Variants in GLI3 observed in about 807,000 individuals in gnomAD.
GLI3 encodes GLI family zinc finger 3, also known as transcription activator GLI3.
In GLI3, 20 loss-of-function variants were observed where a neutral mutation model predicts 100.8. The observed-to-expected ratio is 0.20, with a 90% CI of 0.14 to 0.29. GLI3 has a LOEUF of 0.29. Among genes scored for constraint, GLI3 ranks in the 10% least tolerant of loss-of-function variants. The pLI is 1.00. For synonymous variants in GLI3, 938 were observed against 860.5 expected, an observed-to-expected ratio of 1.09 and a Z score of -1.58; for missense variants, 2,040 against 2,128.5, an observed-to-expected ratio of 0.96 and a Z score of 0.82.
chr7:42,177,769 AAC>A (rs1197117627), intron 2 of GLI3, among the ~76,000 whole-genome samples: 15 of 152,244 alleles, frequency 9.9e-5, no homozygotes, highest in African/African-American at 3.4e-4. Flanking sequence ...TGATGCAAAC[AAC>A]AGTGTGCTCC....
intron 2 of GLI3, among the ~76,000 whole-genome samples, chr7:42,207,186 G>A (rs879287878): frequency 2.0e-5 from 3 of 152,330 alleles, no homozygotes; most frequent in Admixed American, 1.3e-4. Context: ...ATAGAAATGT[G>A]TATTCAGATC....
chr7:42,055,054 C>CATATATGTATATATACATATAT (rs1784425969), intron 4 of GLI3, among the ~76,000 whole-genome samples: 2 of 131,960 alleles, frequency 1.5e-5, no homozygotes, highest in Non-Finnish European at 3.3e-5. Context: ...TATATATACA[C>CATATATGTATATATACATATAT]ACACATATAT....
At chr7:42,214,016 G>T (rs1788322823) in intron 2 of GLI3, among the ~76,000 whole-genome samples, 1 of 152,204 alleles carries the variant, frequency 6.6e-6, no homozygotes, top group African/African-American at 2.4e-5. Flanking sequence ...AGAACTAAAA[G>T]TTTATTATGG....
chr7:42,146,806 G>C (rs1019351946), intron 3 of GLI3, among the ~76,000 whole-genome samples: 4 of 152,120 alleles, frequency 2.6e-5, no homozygotes, highest in Non-Finnish European at 4.4e-5. Flanking sequence ...TTAGGAATGT[G>C]CTCAGAGAAA....
At chr7:42,041,543 G>C (rs1388486291) in intron 6 of GLI3, among the ~76,000 whole-genome samples, 1 of 152,138 alleles carries the variant, frequency 6.6e-6, no homozygotes, top group East Asian at 1.9e-4. Context: ...TAAGTAAAAT[G>C]AAGAGTTTCT....
intron 2 of GLI3, among the ~76,000 whole-genome samples, chr7:42,193,963 C>T (rs1445039251): frequency 2.0e-5 from 3 of 152,170 alleles, no homozygotes; most frequent in African/African-American, 7.2e-5. Flanking sequence ...TGAAAACGTA[C>T]TCCCTCCCTC....
chr7:42,026,061 T>A (rs1789101523), intron 8 of GLI3, 138 bp downstream of exon 8: 1 of 688,170 alleles, frequency 1.5e-6, no homozygotes, highest in African/African-American at 1.8e-5. Flanking sequence ...AGACTAGACC[T>A]CAGCATTAAG....
chr7:42,134,090 A>AAG (rs1786364540), intron 3 of GLI3, among the ~76,000 whole-genome samples: 1 of 151,618 alleles, frequency 6.6e-6, no homozygotes, highest in South Asian at 2.1e-4. Flanking sequence ...CAAAAAAAAA[A>AAG]AAAAAGAAAA....
chr7:42,159,379 T>C (rs1350651298), intron 2 of GLI3, among the ~76,000 whole-genome samples: 1 of 152,198 alleles, frequency 6.6e-6, no homozygotes, highest in Non-Finnish European at 1.5e-5. Flanking sequence ...GAAAGGCCCT[T>C]CATGCTGCCC....
At chr7:42,080,864 A>C (rs1355867843) in intron 3 of GLI3, among the ~76,000 whole-genome samples, 1 of 152,146 alleles carries the variant, frequency 6.6e-6, no homozygotes, top group Non-Finnish European at 1.5e-5. Flanking sequence ...ACATGACGAG[A>C]ACAGGCCCTT....
At chr7:42,105,360 G>T (rs1785550166) in intron 3 of GLI3, among the ~76,000 whole-genome samples, 1 of 152,058 alleles carries the variant, frequency 6.6e-6, no homozygotes, top group East Asian at 1.9e-4. Flanking sequence ...CCCAAAGTAT[G>T]TTTTCAGAAA....
chr7:42,222,208 G>A (rs895146808), intron 2 of GLI3, among the ~76,000 whole-genome samples: 1 of 152,174 alleles, frequency 6.6e-6, no homozygotes, highest in Non-Finnish European at 1.5e-5. Flanking sequence ...AATCAATCAA[G>A]TAAAACCTGT....
intron 3 of GLI3, among the ~76,000 whole-genome samples, chr7:42,097,161 A>G (rs1785358082): frequency 6.6e-6 from 1 of 152,252 alleles, no homozygotes; most frequent in African/African-American, 2.4e-5. Context: ...CGTTTCAGAA[A>G]CAGAGAATTC....
At chr7:42,071,611 G>C (rs944090652) in intron 4 of GLI3, among the ~76,000 whole-genome samples, 3 of 152,092 alleles carry the variant, frequency 2.0e-5, no homozygotes, top group Non-Finnish European at 4.4e-5. Context: ...TAAATTTAGG[G>C]GAGGGGAACT....
intron 10 of GLI3, among the ~76,000 whole-genome samples, chr7:41,994,980 A>G (rs1788084496): frequency 6.6e-6 from 1 of 152,240 alleles, no homozygotes; most frequent in Non-Finnish European, 1.5e-5. Context: ...TATGAATTTC[A>G]GCACTCTCTG....
chr7:42,162,992 T>G (rs925051744), intron 2 of GLI3, among the ~76,000 whole-genome samples: 4 of 101,538 alleles, frequency 3.9e-5, no homozygotes, highest in South Asian at 6.5e-4. Flanking sequence ...TTTTTTTTTT[T>G]GTATTTTCAA....
chr7:42,171,768 C>T (rs1214169760), intron 2 of GLI3, among the ~76,000 whole-genome samples: 1 of 152,192 alleles, frequency 6.6e-6, no homozygotes. Context: ...TCTGTCACTG[C>T]AGACAGCCCT....
intron 3 of GLI3, chr7:42,113,422 G>T: frequency 1.4e-6 from 1 of 720,932 alleles, no homozygotes; most frequent in South Asian, 1.4e-5. Context: ...GGTGAAGGAT[G>T]AACCACAGAG....
intron 2 of GLI3, among the ~76,000 whole-genome samples, chr7:42,207,467 T>C (rs2128695653): frequency 6.6e-6 from 1 of 152,370 alleles, no homozygotes; most frequent in East Asian, 1.9e-4. Flanking sequence ...ATTTCACTAA[T>C]GTTGATACGT....
Sources: gnomAD v4.1 joint callset for allele counts (sites outside exome capture counted in the v4.1 genomes callset) on GRCh38, gnomAD v4.1.1 for gene constraint, MANE v1.5 for transcripts, NCBI Gene and HGNC (gene_info 2026-07-23, HGNC 2026-07-21) for gene names.